Variants in FER observed in about 807,000 individuals in gnomAD.
FER encodes the protein FER tyrosine kinase, also known as tyrosine-protein kinase Fer.
In FER, 63 loss-of-function variants were observed where a neutral mutation model predicts 111.0. That is an observed-to-expected ratio of 0.57 (90% confidence interval 0.46 to 0.70). FER has a LOEUF of 0.70. FER is among the 30% of genes least tolerant of loss of function. FER has a pLI of 0.00. For missense variants in FER, 914 were observed against 954.0 expected, an observed-to-expected ratio of 0.96 and a Z score of 0.55; for synonymous variants, 327 against 313.9, an observed-to-expected ratio of 1.04 and a Z score of -0.44.
In FER at chr5:109,052,206, A is replaced by G; in HGVS notation, c.1924+5008A>G. On this transcript the variant is annotated intron_variant, in intron 16 of 19. Coordinates refer to ENST00000281092, the MANE Select transcript of FER (RefSeq NM_005246.4). Reference sequence around the variant, plus strand: ...GGTACAAGAGTATGGGTACAGACACAAATATGATCTGCAGGACCCAGAAGC... The same window carrying G: ...GGTACAAGAGTATGGGTACAGACACGAATATGATCTGCAGGACCCAGAAGC... 1.9e-6 allele frequency: 3 copies of G among 1,607,888 alleles called. No individual in the cohort carries two copies. The Admixed American group carries it at 5.0e-5, about 27-fold the overall frequency.
At chr5:108,911,322 A>AT (rs1293531170) in intron 10 of FER, among the ~76,000 whole-genome samples, 1 of 151,046 alleles carries the variant, frequency 6.6e-6, no homozygotes, top group Non-Finnish European at 1.5e-5. Context: ...GGAGTTGTTC[A>AT]TTTTTTTCTT....
chr5:109,029,126 G>C (rs192407306), intron 13 of FER, among the ~76,000 whole-genome samples: 6 of 151,866 alleles, frequency 4.0e-5, no homozygotes, highest in Non-Finnish European at 8.8e-5. Context: ...GAATGAAACA[G>C]ACCTACTTTG....
At chr5:108,971,547 T>C (rs1448420102) in intron 13 of FER, among the ~76,000 whole-genome samples, 1 of 152,176 alleles carries the variant, frequency 6.6e-6, no homozygotes, top group African/African-American at 2.4e-5. Flanking sequence ...GGGAAATTTC[T>C]CTCTTGGGAT....
At position 108,873,381 on chromosome 5, in the gene FER, G is replaced by A. The variant is rs189389861; in HGVS notation, c.923+1169G>A. Among the ~76,000 whole-genome samples the A allele has an allele frequency of 2.1e-3, 317 of 152,294 alleles. 3 individuals carry two copies. Among genetic ancestry groups the A allele is most frequent in the African/African-American group, 7.0e-3 (293 of 41,580 alleles). On this transcript the variant is annotated intron_variant, in intron 8 of 19. Transcript: ENST00000281092. ...GCTGATCTCAAATTCCTGACTTCAAGTGATTCACCCACCTCGGCCTGCCAG... is the reference window on the plus strand; with the variant it reads ...GCTGATCTCAAATTCCTGACTTCAAATGATTCACCCACCTCGGCCTGCCAG...
chr5:108,749,758 T>C (rs1030755668), intron 1 of FER, among the ~76,000 whole-genome samples: 13 of 152,176 alleles, frequency 8.5e-5, no homozygotes, highest in Admixed American at 7.2e-4. Context: ...CCAGTTAGAA[T>C]TGGGGAGATG....
intron 17 of FER, among the ~76,000 whole-genome samples, chr5:109,122,892 G>A (rs1359707650): frequency 6.6e-6 from 1 of 151,796 alleles, no homozygotes; most frequent in Non-Finnish European, 1.5e-5. Flanking sequence ...ACCTTTGCTC[G>A]TTTTTGGTTT....
At chr5:109,021,472 A>G (rs1767917136) in intron 13 of FER, among the ~76,000 whole-genome samples, 1 of 152,044 alleles carries the variant, frequency 6.6e-6, no homozygotes, top group Non-Finnish European at 1.5e-5. Context: ...CATTTTTAGT[A>G]TTCTAACAAC....
intron 13 of FER, among the ~76,000 whole-genome samples, chr5:108,964,152 C>T (rs1025215016): frequency 6.6e-6 from 1 of 152,148 alleles, no homozygotes; most frequent in Admixed American, 6.5e-5. Context: ...ACTTAGTACT[C>T]ACTCTGTGCT....
chr5:108,983,533 T>C (rs962428042), intron 13 of FER, among the ~76,000 whole-genome samples: 7 of 152,136 alleles, frequency 4.6e-5, no homozygotes, highest in Non-Finnish European at 8.8e-5. Flanking sequence ...TTTTGTCCTC[T>C]GATGACAGTG....
chr5:109,104,921 T>A (rs1378074000), intron 17 of FER, among the ~76,000 whole-genome samples: 2 of 151,892 alleles, frequency 1.3e-5, no homozygotes, highest in African/African-American at 4.8e-5. Context: ...TTTTTTGTGT[T>A]TTTAGTAGAG....
At chr5:109,047,310 A>G in intron 16 of FER, 112 bp downstream of exon 16, 2 of 620,332 alleles carry the variant, frequency 3.2e-6, no homozygotes, top group Non-Finnish European at 2.8e-6. Flanking sequence ...GATTTTGTTT[A>G]ACATTTCCAG....
chr5:108,987,523 A>AATTTT (rs958201562), intron 13 of FER, among the ~76,000 whole-genome samples: 3 of 152,100 alleles, frequency 2.0e-5, no homozygotes, highest in Admixed American at 2.0e-4. Context: ...TATATTCCTA[A>AATTTT]ATTTTATTTT....
intron 11 of FER, among the ~76,000 whole-genome samples, chr5:108,951,815 A>G (rs1659631340): frequency 6.6e-6 from 1 of 152,114 alleles, no homozygotes; most frequent in African/African-American, 2.4e-5. Flanking sequence ...TTGCCTCCCA[A>G]AAAGAAGCTC....
chr5:109,085,454 G>T (rs1174969448), intron 16 of FER, among the ~76,000 whole-genome samples: 2 of 143,822 alleles, frequency 1.4e-5, no homozygotes, highest in African/African-American at 5.1e-5. Flanking sequence ...AAATCTGGTG[G>T]ATTTTTTTTT....
intron 16 of FER, chr5:109,051,528 AG>A (rs113844089): frequency 0.23 from 365,965 of 1,609,576 alleles, 45,094 homozygotes; most frequent in African/African-American, 0.45. Flanking sequence ...CACTGTAATT[AG>A]CCCAGTTTTG....
At chr5:109,048,570 A>G (rs564889397) in intron 16 of FER, among the ~76,000 whole-genome samples, 1 of 152,328 alleles carries the variant, frequency 6.6e-6, no homozygotes, top group Admixed American at 6.5e-5. Flanking sequence ...ATAGCTTTGT[A>G]GAGGAGCCAA....
chr5:109,113,393 G>C (rs1214616210), intron 17 of FER, among the ~76,000 whole-genome samples: 1 of 152,096 alleles, frequency 6.6e-6, no homozygotes, highest in Non-Finnish European at 1.5e-5. Context: ...TTTTTAAACA[G>C]TAAGAAGCAA....
At chr5:108,996,055 A>G in intron 13 of FER, among the ~76,000 whole-genome samples, 1 of 152,274 alleles carries the variant, frequency 6.6e-6, no homozygotes, top group Non-Finnish European at 1.5e-5. Context: ...TTGGCCGCAT[A>G]AATGTCTTTT....
At chr5:108,938,026 TCACACACACACACACACA>T (rs201092702) in intron 10 of FER, among the ~76,000 whole-genome samples, 12 of 130,826 alleles carry the variant, frequency 9.2e-5, no homozygotes, top group Admixed American at 3.1e-4. Context: ...TATCTCTCTC[TCACACACACACACACACA>T]CACACACACA....
Sources: allele counts gnomAD v4.1 joint callset (sites outside exome capture counted in the v4.1 genomes callset), GRCh38; gene constraint gnomAD v4.1.1; transcripts MANE v1.5; gene names NCBI Gene and HGNC (gene_info 2026-07-23, HGNC 2026-07-21).